ZBTB20: variants seen among roughly 807,000 people sequenced by gnomAD.
The protein encoded by ZBTB20 is zinc finger and BTB domain containing 20, also known as zinc finger and BTB domain-containing protein 20.
A neutral mutation model predicts 56.9 loss-of-function variants in ZBTB20; 9 were observed. The observed-to-expected ratio is 0.16, with a 90% CI of 0.10 to 0.28. The LOEUF (loss-of-function observed/expected upper bound fraction) is 0.28, where lower values mean the gene tolerates loss of function less well. ZBTB20 is among the 10% of genes least tolerant of loss of function. The pLI is 1.00. For missense variants in ZBTB20, 655 were observed against 1,003.0 expected, an observed-to-expected ratio of 0.65 and a Z score of 4.69; for synonymous variants, 417 against 420.7, an observed-to-expected ratio of 0.99 and a Z score of 0.11.
chr3:115,064,732 C>T (rs1021536534), intron 2 of ZBTB20, among the ~76,000 whole-genome samples: 2 of 152,056 alleles, frequency 1.3e-5, no homozygotes, highest in African/African-American at 2.4e-5. Context: ...TACTTACAGG[C>T]GTGAGCCACC....
chr3:114,400,894 G>A (rs112659791), intron 7 of ZBTB20, among the ~76,000 whole-genome samples: 13 of 152,102 alleles, frequency 8.5e-5, no homozygotes, highest in South Asian at 2.1e-4. Flanking sequence ...GTACCGAGTC[G>A]GCATTGATTT....
Position 114,322,598 on chromosome 3 carries a change from C to T in ZBTB20, c.*16407G>A, listed in dbSNP as rs1412198638. ...TTAATGTGAATATATTTTAAAAAGT[C>T]AATCATTTCTTTCTATAGCTTTGGT... is the stretch of plus-strand genomic sequence containing the variant. On this transcript the variant is annotated 3_prime_UTR_variant, in exon 12 of 12. Transcript: ENST00000675478. 1 of 152,190 alleles carries T rather than the reference C, an allele frequency of 6.6e-6. No individual in the cohort carries two copies. Among genetic ancestry groups the T allele is most frequent in the African/African-American group, 2.4e-5 (1 of 41,448 alleles). 9.4% of individuals were successfully genotyped at this position (152,190 alleles called of 1,614,324 possible).
rs869141975 is a variant in ZBTB20, at chr3:114,883,916, CTTTTTTT to C, written c.-417+16381_-417+16387del. Among the ~76,000 whole-genome samples the C allele has an allele frequency of 3.7e-4, 33 of 89,828 alleles. 5 individuals are homozygous for C. The highest frequency in any genetic ancestry group is 1.4e-3 in the Admixed American group (9 of 6,248). The allele number at this position is 89,828 out of a possible 152,430, so 58.9% of individuals were successfully genotyped here. A position where few individuals can be genotyped will look rare whatever the true frequency, so the allele number is the denominator to read the frequency against. On this transcript the variant is annotated intron_variant, in intron 4 of 11. Coordinates refer to ENST00000675478, the MANE Select transcript of ZBTB20 (RefSeq NM_001348800.3). The stretch of plus-strand genomic sequence containing the variant: ...GTATAACTGGTAAGAATGGTGTGTT[CTTTTTTT>C]TTTTTTTTTTTTTTTTTTTTGAGAC...
intron 3 of ZBTB20, among the ~76,000 whole-genome samples, chr3:114,935,592 T>G (rs2076505629): frequency 6.6e-6 from 1 of 152,204 alleles, no homozygotes; most frequent in South Asian, 2.1e-4. Flanking sequence ...TTTGTAAACT[T>G]TGGTAAAATG....
At chr3:115,068,733 G>C (rs2082298197) in intron 2 of ZBTB20, among the ~76,000 whole-genome samples, 1 of 151,896 alleles carries the variant, frequency 6.6e-6, no homozygotes, top group African/African-American at 2.4e-5. Context: ...AAAGCAACTG[G>C]GCACTTAACT....
chr3:114,721,833 TG>T (rs2064937520), intron 5 of ZBTB20, among the ~76,000 whole-genome samples: 1 of 152,218 alleles, frequency 6.6e-6, no homozygotes, highest in African/African-American at 2.4e-5. Flanking sequence ...CTGAGATTTT[TG>T]GGTTATATTA....
intron 2 of ZBTB20, among the ~76,000 whole-genome samples, chr3:115,008,387 G>A (rs548037569): frequency 1.6e-4 from 25 of 151,886 alleles, no homozygotes; most frequent in South Asian, 4.1e-4. Context: ...TTAAAGGCAG[G>A]GCTAGGAGAA....
At chr3:115,015,797 T>C (rs2079928890) in intron 2 of ZBTB20, among the ~76,000 whole-genome samples, 1 of 151,994 alleles carries the variant, frequency 6.6e-6, no homozygotes, top group African/African-American at 2.4e-5. Flanking sequence ...CATGTATCTT[T>C]ATAATAAAAT....
At chr3:115,082,228 G>A (rs1428168809) in intron 1 of ZBTB20, among the ~76,000 whole-genome samples, 1 of 152,132 alleles carries the variant, frequency 6.6e-6, no homozygotes, top group Non-Finnish European at 1.5e-5. Context: ...TAAAATTGCG[G>A]TTTATAAAAA....
intron 4 of ZBTB20, among the ~76,000 whole-genome samples, chr3:114,825,683 A>G (rs2073486308): frequency 6.6e-6 from 1 of 151,952 alleles, no homozygotes; most frequent in South Asian, 2.1e-4. Context: ...TAGGTTTAAA[A>G]TACTGTGTAC....
At chr3:114,670,818 T>C (rs2061324387) in intron 6 of ZBTB20, among the ~76,000 whole-genome samples, 1 of 152,154 alleles carries the variant, frequency 6.6e-6, no homozygotes, top group Non-Finnish European at 1.5e-5. Context: ...GGGGCACCCA[T>C]GTGTCTTACA....
Position 114,320,185 on chromosome 3 carries a change from A to T in ZBTB20, c.*18820T>A, listed in dbSNP as rs553653250. ...GATGTAGTTTGTATGTGTATTCAGT[A>T]CAAATATATTTTTTTCATAGCTGTT... On this transcript the variant is annotated 3_prime_UTR_variant, in exon 12 of 12. Transcript: ENST00000675478. 5.3e-5 allele frequency: 8 copies of T among 152,276 alleles called. No individual in the cohort carries two copies. Among genetic ancestry groups the T allele is most frequent in the African/African-American group, 1.9e-4 (8 of 41,574 alleles). The allele number at this position is 152,276 out of a possible 1,614,324, so 9.4% of individuals were successfully genotyped here.
intron 1 of ZBTB20, among the ~76,000 whole-genome samples, chr3:115,130,201 G>GT (rs1038061347): frequency 2.0e-5 from 3 of 151,956 alleles, no homozygotes; most frequent in East Asian, 1.9e-4. Flanking sequence ...GACTTCTAGG[G>GT]TTTTTTTCAT....
At chr3:115,049,019 T>C (rs996442530) in intron 2 of ZBTB20, among the ~76,000 whole-genome samples, 2 of 151,018 alleles carry the variant, frequency 1.3e-5, no homozygotes, top group Non-Finnish European at 3.0e-5. Context: ...GGTCATATAC[T>C]TTTTTTTTAA....
chr3:114,599,980 A>G (rs2056636862), intron 6 of ZBTB20, among the ~76,000 whole-genome samples: 1 of 151,950 alleles, frequency 6.6e-6, no homozygotes, highest in Non-Finnish European at 1.5e-5. Context: ...TCCAAATAAA[A>G]TGTTATAAAA....
chr3:115,022,597 T>A, intron 2 of ZBTB20, among the ~76,000 whole-genome samples: 1 of 151,156 alleles, frequency 6.6e-6, no homozygotes, highest in East Asian at 1.9e-4. Flanking sequence ...AAATCCCTTA[T>A]CTTCATTTCT....
At chr3:114,723,066 T>C (rs1013333237) in intron 5 of ZBTB20, among the ~76,000 whole-genome samples, 8 of 152,220 alleles carry the variant, frequency 5.3e-5, no homozygotes, top group African/African-American at 1.9e-4. Flanking sequence ...GCCCTGAATC[T>C]GGCTGACTGG....
rs201829025 is a variant in ZBTB20 at position 114,401,083 on chromosome 3, GACAC to G, written c.-254-11982_-254-11979del. ...AGGTAGGGAATCTGTCTACCTCCCAGACACACACACACACACACACACACACACA... is the reference window on the plus strand; with the variant it reads ...AGGTAGGGAATCTGTCTACCTCCCAGACACACACACACACACACACACACA... On this transcript the variant is annotated intron_variant, in intron 7 of 11. Transcript: ENST00000675478. Among the ~76,000 whole-genome samples, 362 of 133,088 alleles carry G rather than the reference GACAC, an allele frequency of 2.7e-3. 5 individuals carry two copies. The highest frequency in any genetic ancestry group is 9.1e-3 in the East Asian group (41 of 4,504). The allele number at this position is 133,088 out of a possible 152,430, so 87.3% of individuals were successfully genotyped here. A position where few individuals can be genotyped will look rare whatever the true frequency, so the allele number is the denominator to read the frequency against.
intron 5 of ZBTB20, among the ~76,000 whole-genome samples, chr3:114,695,243 G>C (rs2062933171): frequency 6.6e-6 from 1 of 151,944 alleles, no homozygotes; most frequent in Non-Finnish European, 1.5e-5. Flanking sequence ...ATTCTCCCTA[G>C]CTTCTTTTCT....
Sources: gnomAD v4.1 joint callset for allele counts (sites outside exome capture counted in the v4.1 genomes callset) on GRCh38, gnomAD v4.1.1 for gene constraint, MANE v1.5 for transcripts, NCBI Gene and HGNC (gene_info 2026-07-23, HGNC 2026-07-21) for gene names.